The following DYNC2I1 variants were observed in gnomAD, a reference collection of about 807,000 sequenced individuals.
The protein encoded by DYNC2I1 is dynein 2 intermediate chain 1, also known as cytoplasmic dynein 2 intermediate chain 1.
In DYNC2I1, 89 loss-of-function variants were observed where a neutral mutation model predicts 133.4. That is an observed-to-expected ratio of 0.67 (90% CI 0.56 to 0.80). The LOEUF (loss-of-function observed/expected upper bound fraction) is 0.80, where lower values mean the gene tolerates loss of function less well. DYNC2I1 is among the 30% of genes least tolerant of loss of function. DYNC2I1 has a pLI of 0.00. For missense variants in DYNC2I1, 1,291 were observed against 1,314.5 expected, an observed-to-expected ratio of 0.98 and a Z score of 0.28; for synonymous variants, 504 against 484.3, an observed-to-expected ratio of 1.04 and a Z score of -0.54.
chr7:158,856,732 A>C lies in DYNC2I1; in HGVS notation c.-4A>C, dbSNP rs1364217049. 3 of 1,234,364 alleles carry C rather than the reference A, an allele frequency of 2.4e-6. No homozygotes were observed. Among genetic ancestry groups the C allele is most frequent in the Non-Finnish European group, 3.0e-6 (3 of 986,992 alleles). 76.5% of individuals were successfully genotyped at this position (1,234,364 alleles called of 1,614,324 possible). On this transcript the variant is annotated 5_prime_UTR_variant, in exon 1 of 25. Coordinates refer to ENST00000407559, the MANE Select transcript of DYNC2I1 (RefSeq NM_018051.5). Reference sequence around the variant, plus strand: ...ACCGCGGCCGCCCGGGCCTGCGGGAAGCGATGGAGCCCGGGAAGGTCGGTG... The same window carrying C: ...ACCGCGGCCGCCCGGGCCTGCGGGACGCGATGGAGCCCGGGAAGGTCGGTG...
At chr7:158,892,890 AT>A (rs1313987878) in intron 8 of DYNC2I1, among the ~76,000 whole-genome samples, 1 of 149,416 alleles carries the variant, frequency 6.7e-6, no homozygotes, top group Non-Finnish European at 1.5e-5. Context: ...GTGAGCTGAG[AT>A]TGAGCCATTG....
intron 9 of DYNC2I1, 114 bp downstream of exon 9, chr7:158,901,930 A>G (rs1304475067): frequency 1.7e-5 from 14 of 809,016 alleles, no homozygotes; most frequent in African/African-American, 7.2e-5. Context: ...CTAATACTCA[A>G]TATCTGGCTA....
chr7:158,926,841 T>C, intron 19 of DYNC2I1, 151 bp from the exon 20 acceptor site: 3 of 637,098 alleles, frequency 4.7e-6, no homozygotes, highest in Non-Finnish European at 8.2e-6. Flanking sequence ...TGTAGAGTGT[T>C]AGTTCTGAGG....
At chr7:158,940,075 G>T (rs970097178) in intron 23 of DYNC2I1, among the ~76,000 whole-genome samples, 2 of 152,132 alleles carry the variant, frequency 1.3e-5, no homozygotes, top group African/African-American at 4.8e-5. Flanking sequence ...TCTCAGTAAT[G>T]GACAGATTAC....
chr7:158,916,063 G>A (rs1463277871), intron 14 of DYNC2I1, among the ~76,000 whole-genome samples: 219 of 55,440 alleles, frequency 4.0e-3, no homozygotes, highest in African/African-American at 0.013. Flanking sequence ...ATTGTGAAAC[G>A]TTGACACGCT....
At chr7:158,883,527 T>C (rs1844268003) in intron 5 of DYNC2I1, among the ~76,000 whole-genome samples, 1 of 151,934 alleles carries the variant, frequency 6.6e-6, no homozygotes, top group African/African-American at 2.4e-5. Context: ...CTCTATATGA[T>C]TTTTGATCCA....
At chr7:158,926,101 C>T (rs1294117933) in intron 17 of DYNC2I1, 86 bp from the exon 18 acceptor site, 15 of 1,017,158 alleles carry the variant, frequency 1.5e-5, no homozygotes, top group Admixed American at 2.0e-5. Flanking sequence ...GACCCAGAAG[C>T]ACCTCGTGTT....
chr7:158,878,341 A>G (rs1180103929), intron 4 of DYNC2I1, among the ~76,000 whole-genome samples: 655 of 66,590 alleles, frequency 9.8e-3, no homozygotes, highest in Middle Eastern at 0.032. Flanking sequence ...AGTGCCGGGC[A>G]CCATGTGGGG....
intron 8 of DYNC2I1, among the ~76,000 whole-genome samples, chr7:158,896,468 T>C (rs1412397823): frequency 2.6e-5 from 4 of 152,152 alleles, no homozygotes; most frequent in African/African-American, 4.8e-5. Flanking sequence ...ATTCTTTTTA[T>C]TTTTTATCTT....
rs2129478814 is a variant in DYNC2I1, at chr7:158,879,939, G to T, written c.829G>T (p.Asp277Tyr). 1 of 1,606,126 alleles carries T rather than the reference G, an allele frequency of 6.2e-7. No individual in the cohort carries two copies. Among genetic ancestry groups the T allele is most frequent in the South Asian group, 1.1e-5 (1 of 90,194 alleles). ...FDDERHQSNVDRKEKSAKDEP... is the reference protein window; with the variant it reads ...FDDERHQSNVYRKEKSAKDEP... ...TGATGAGAGGCACCAAAGCAACGTG[G>T]ATAGAAAAGAGAAATCGGCAAAAGA... The change falls in exon 5 of 25, where the codon GAT becomes TAT. Residue 277 changes from aspartate (D) to tyrosine (Y), a missense_variant. Asp to Tyr is a radical substitution (Grantham distance 160). Transcript: ENST00000407559.
intron 1 of DYNC2I1, among the ~76,000 whole-genome samples, chr7:158,861,384 A>G (rs1240552744): frequency 6.6e-6 from 1 of 152,170 alleles, no homozygotes; most frequent in East Asian, 1.9e-4. Flanking sequence ...GAGCTCCCCT[A>G]GCCCGGGTTC....
At chr7:158,878,347 TGGGGAGGCGAGGA>T (rs1470595890) in intron 4 of DYNC2I1, among the ~76,000 whole-genome samples, 3 of 126,802 alleles carry the variant, frequency 2.4e-5, no homozygotes, top group South Asian at 2.7e-4. Flanking sequence ...GGGCACCATG[TGGGGAGGCGAGGA>T]GGGGAGGCCA....
Position 158,945,557 on chromosome 7 carries a change from C to T in DYNC2I1, c.3003-24C>T, listed in dbSNP as rs1207191158. 6.3e-7 allele frequency: 1 copy of T among 1,584,870 alleles called. No individual in the cohort carries two copies. Among genetic ancestry groups the T allele is most frequent in the South Asian group, 1.2e-5 (1 of 86,798 alleles). On this transcript the variant is annotated intron_variant, in intron 24 of 24. Coordinates refer to ENST00000407559, the MANE Select transcript of DYNC2I1 (RefSeq NM_018051.5). The surrounding 1 kb of genome is among the most constrained non-coding windows in gnomAD (Gnocchi z 4.1). ...ATGTCCCTTTGTGTGCACTGACCCT[C>T]TGCTTCTGCCCCTCTCCCTGCAGGC...
upstream of DYNC2I1, among the ~76,000 whole-genome samples, chr7:158,852,120 T>C (rs1041798597): frequency 6.6e-6 from 1 of 151,612 alleles, no homozygotes; most frequent in African/African-American, 2.4e-5. Flanking sequence ...CGCCTGAGAT[T>C]CTAAGGGCTG....
chr7:158,848,690 C>T, the DYNC2I1 span, among the ~76,000 whole-genome samples: 8 of 152,014 alleles, frequency 5.3e-5, no homozygotes, highest in African/African-American at 9.7e-5. Flanking sequence ...TTTGGGAGGC[C>T]GAGGCGGGCG....
In DYNC2I1 at chr7:158,856,694, C is replaced by T. The variant is rs1350975149; in HGVS notation, c.-42C>T. 7 of 1,232,240 alleles carry T rather than the reference C, an allele frequency of 5.7e-6. No individual in the cohort carries two copies. Among genetic ancestry groups the T allele is most frequent in the African/African-American group, 1.6e-5 (1 of 64,330 alleles). 76.3% of individuals were successfully genotyped at this position (1,232,240 alleles called of 1,614,324 possible). On this transcript the variant is annotated 5_prime_UTR_variant, in exon 1 of 25. Transcript: ENST00000407559. ...CTCTTCGGGGTGGACCGCGCCTGGC[C>T]GGGGCCGAGGACACCGCGGCCGCCC... is the stretch of plus-strand genomic sequence containing the variant.
Position 158,902,394 on chromosome 7 carries a change from G to C in DYNC2I1, c.1156G>C (p.Glu386Gln). Residue 386 changes from glutamate (E) to glutamine (Q), a missense_variant, in exon 10 of 25, where the codon GAG becomes CAG. Coordinates refer to ENST00000407559, the MANE Select transcript of DYNC2I1 (RefSeq NM_018051.5). Reference protein sequence around the residue: ...DDFEDYEDDFEVCDGDDDESS... With the variant: ...DDFEDYEDDFQVCDGDDDESS... The stretch of plus-strand genomic sequence containing the variant: ...TTTGCAGGACTATGAAGATGACTTT[G>C]AGGTTTGTGATGGTGATGATGATGA... The C allele has an allele frequency of 1.9e-6, 3 of 1,613,040 alleles. No individual in the cohort carries two copies. The South Asian group carries it at 3.3e-5, about 18-fold the overall frequency.
At chr7:158,884,137 C>T (rs1317654190) in intron 5 of DYNC2I1, among the ~76,000 whole-genome samples, 15 of 151,522 alleles carry the variant, frequency 9.9e-5, no homozygotes, top group East Asian at 7.8e-4. Flanking sequence ...CTCCGCCTCC[C>T]GGGTTCACGC....
chr7:158,954,813 T>C (rs1457337855), intron 4 of DYNC2I1, among the ~76,000 whole-genome samples: 1 of 152,230 alleles, frequency 6.6e-6, no homozygotes, highest in East Asian at 1.9e-4. Context: ...TTTATACACA[T>C]CAGGACATGG....
Sources: gnomAD v4.1 joint callset for allele counts (sites outside exome capture counted in the v4.1 genomes callset) on GRCh38, gnomAD v4.1.1 for gene constraint, Gnocchi (gnomAD v3.1) non-coding constraint, MANE v1.5 for transcripts, NCBI Gene and HGNC (gene_info 2026-07-23, HGNC 2026-07-21) for gene names.